The following TENM3 variants were observed in gnomAD, a reference collection of about 807,000 sequenced individuals.
TENM3 encodes the protein teneurin transmembrane protein 3, also known as teneurin-3.
In TENM3, 63 loss-of-function variants were observed where a neutral mutation model predicts 255.1. The ratio of observed to expected loss-of-function variants is 0.25; its 90% CI spans 0.20 to 0.30. The LOEUF is 0.30. TENM3 is among the 10% of genes least tolerant of loss of function. The pLI is 1.00. For synonymous variants in TENM3, 1,306 were observed against 1,322.3 expected, an observed-to-expected ratio of 0.99 and a Z score of 0.27; for missense variants, 2,929 against 3,461.1, an observed-to-expected ratio of 0.85 and a Z score of 3.86.
chr4:182,772,739 T>C (rs1410662625), intron 22 of TENM3: 2 of 151,830 alleles, frequency 1.3e-5, no homozygotes, highest in South Asian at 4.1e-4. Context: ...CTTGTATTTG[T>C]CTGCTAAAAA....
chr4:181,449,720 G>A, the TENM3 span, among the ~76,000 whole-genome samples: 2 of 152,154 alleles, frequency 1.3e-5, no homozygotes, highest in African/African-American at 4.8e-5. Context: ...CCAGAAGGCC[G>A]AGGTTGCAAT....
chr4:182,617,520 C>T (rs1160573255), intron 4 of TENM3, among the ~76,000 whole-genome samples: 1 of 152,110 alleles, frequency 6.6e-6, no homozygotes, highest in Non-Finnish European at 1.5e-5. Flanking sequence ...TCTTGTGAGA[C>T]CTTTAATAAG....
the TENM3 span, among the ~76,000 whole-genome samples, chr4:181,452,278 G>A: frequency 3.3e-5 from 5 of 152,160 alleles, no homozygotes; most frequent in African/African-American, 4.8e-5. Flanking sequence ...ATAGGAATGT[G>A]TATGGGAAAT....
chr4:181,835,681 T>G, the TENM3 span, among the ~76,000 whole-genome samples: 1 of 152,218 alleles, frequency 6.6e-6, no homozygotes, highest in Non-Finnish European at 1.5e-5. Flanking sequence ...CTCCAGTTAT[T>G]TAATGAAGAA....
intron 5 of TENM3, among the ~76,000 whole-genome samples, chr4:182,639,126 G>A (rs899097036): frequency 1.3e-5 from 2 of 152,130 alleles, no homozygotes; most frequent in Admixed American, 1.3e-4. Flanking sequence ...ACAAAGATGA[G>A]TAAGAAGTAA....
At chr4:182,672,345 G>T (rs1318301914) in intron 6 of TENM3, among the ~76,000 whole-genome samples, 1 of 152,166 alleles carries the variant, frequency 6.6e-6, no homozygotes, top group Non-Finnish European at 1.5e-5. Context: ...AAGACTACAA[G>T]TGAGTTTGAA....
At chr4:182,728,464 T>A in intron 13 of TENM3, among the ~76,000 whole-genome samples, 1 of 152,236 alleles carries the variant, frequency 6.6e-6, no homozygotes, top group Non-Finnish European at 1.5e-5. Context: ...CAGCCATCTC[T>A]AATCCAAATA....
chr4:182,416,997 C>T (rs145874375), intron 3 of TENM3, among the ~76,000 whole-genome samples: 3 of 152,038 alleles, frequency 2.0e-5, no homozygotes, highest in East Asian at 3.9e-4. Flanking sequence ...TTTCTGAGAC[C>T]GAGTCTCCCT....
the TENM3 span, among the ~76,000 whole-genome samples, chr4:182,109,759 T>C: frequency 6.6e-6 from 1 of 152,196 alleles, no homozygotes; most frequent in Non-Finnish European, 1.5e-5. Flanking sequence ...TGTTGATGTT[T>C]AGAAAGGAAA....
chr4:182,772,058 C>T (rs922237396), intron 22 of TENM3, among the ~76,000 whole-genome samples: 3 of 152,148 alleles, frequency 2.0e-5, no homozygotes, highest in Admixed American at 6.5e-5. Flanking sequence ...AACAGACCTC[C>T]GTCCCTCGCC....
At chr4:182,507,148 G>GAA (rs71605069) in intron 3 of TENM3, among the ~76,000 whole-genome samples, 6 of 150,796 alleles carry the variant, frequency 4.0e-5, no homozygotes, top group East Asian at 3.9e-4. Flanking sequence ...TATCACTAAG[G>GAA]AAAAAAAAAG....
At chr4:181,614,540 T>C in the TENM3 span, among the ~76,000 whole-genome samples, 1 of 152,198 alleles carries the variant, frequency 6.6e-6, no homozygotes, top group Non-Finnish European at 1.5e-5. Context: ...CCATGTATTT[T>C]AAAGGCAATC....
chr4:182,694,820 G>C (rs1434136392), intron 12 of TENM3, among the ~76,000 whole-genome samples: 1 of 152,196 alleles, frequency 6.6e-6, no homozygotes, highest in Admixed American at 6.5e-5. Context: ...GGGGTGGAAA[G>C]AGAGAAAGAG....
the TENM3 span, among the ~76,000 whole-genome samples, chr4:182,025,020 ATTTTTTTTTT>A: frequency 0.55 from 66,182 of 121,356 alleles, 18,034 homozygotes; most frequent in South Asian, 0.69. Flanking sequence ...ACAGGATTTC[ATTTTTTTTTT>A]TTTTTTTTTT....
chr4:182,006,070 C>T, the TENM3 span, among the ~76,000 whole-genome samples: 2 of 152,104 alleles, frequency 1.3e-5, no homozygotes, highest in Non-Finnish European at 2.9e-5. Context: ...CTTCTCTTGC[C>T]TGATTGCCCT....
At chr4:182,469,582 C>T (rs956703762) in intron 3 of TENM3, among the ~76,000 whole-genome samples, 1 of 151,994 alleles carries the variant, frequency 6.6e-6, no homozygotes, top group Non-Finnish European at 1.5e-5. Context: ...GGCATGGTGG[C>T]GCTCACCTGT....
At chr4:181,673,245 T>C in the TENM3 span, among the ~76,000 whole-genome samples, 1 of 151,694 alleles carries the variant, frequency 6.6e-6, no homozygotes, top group African/African-American at 2.4e-5. Flanking sequence ...CATATTTCTA[T>C]GGGGAATGTG....
chr4:181,593,601 A>G, the TENM3 span, among the ~76,000 whole-genome samples: 6 of 152,214 alleles, frequency 3.9e-5, no homozygotes, highest in African/African-American at 9.6e-5. Flanking sequence ...TTAACATCAC[A>G]AAAATTTTTT....
At chr4:182,711,664 C>G (rs1417016006) in intron 12 of TENM3, 1 of 676,898 alleles carries the variant, frequency 1.5e-6, no homozygotes, top group African/African-American at 2.0e-5. Flanking sequence ...CTGTATATCA[C>G]TAGGTTTGAC....
Sources: gnomAD v4.1 joint callset for allele counts (sites outside exome capture counted in the v4.1 genomes callset) on GRCh38, gnomAD v4.1.1 for gene constraint, MANE v1.5 for transcripts, NCBI Gene and HGNC (gene_info 2026-07-23, HGNC 2026-07-21) for gene names.